RBFOX1: variants seen among roughly 807,000 people sequenced by gnomAD.
The protein encoded by RBFOX1 is RNA binding fox-1 homolog 1.
A neutral mutation model predicts 57.7 loss-of-function variants in RBFOX1; 8 were observed. That is an observed-to-expected ratio of 0.14 (90% CI 0.08 to 0.25). RBFOX1 has a LOEUF of 0.25. Among genes scored for constraint, RBFOX1 ranks in the 10% least tolerant of loss-of-function variants. The pLI is 1.00. For missense variants in RBFOX1, 611 were observed against 548.5 expected, an observed-to-expected ratio of 1.11 and a Z score of -1.14; for synonymous variants, 326 against 222.4, an observed-to-expected ratio of 1.47 and a Z score of -4.15.
At chr16:6,220,554 A>G (rs2097365816) in intron 1 of RBFOX1, among the ~76,000 whole-genome samples, 1 of 152,160 alleles carries the variant, frequency 6.6e-6, no homozygotes, top group Admixed American at 6.5e-5. Flanking sequence ...AGTCAGTGAG[A>G]TCTTTTGATT....
At chr16:6,096,288 A>C (rs1244442963) in intron 1 of RBFOX1, among the ~76,000 whole-genome samples, 1 of 152,228 alleles carries the variant, frequency 6.6e-6, no homozygotes, top group Non-Finnish European at 1.5e-5. Context: ...AAAGGAAACG[A>C]AGATGAAATT....
intron 4 of RBFOX1, among the ~76,000 whole-genome samples, chr16:7,111,099 G>A (rs969496394): frequency 2.0e-5 from 3 of 152,086 alleles, no homozygotes; most frequent in East Asian, 1.9e-4. Context: ...TCACTATGTC[G>A]AGACATGTGG....
At chr16:6,931,340 T>TATCTCTATCTACACAC (rs1555640312) in intron 3 of RBFOX1, among the ~76,000 whole-genome samples, 21 of 107,004 alleles carry the variant, frequency 2.0e-4, no homozygotes, top group African/African-American at 6.3e-4. Context: ...TATCTATCTC[T>TATCTCTATCTACACAC]ACACACACAC....
chr16:5,561,696 ATTATC>A (rs1220864970), intron 2 of RBFOX1, among the ~76,000 whole-genome samples: 1 of 152,074 alleles, frequency 6.6e-6, no homozygotes, highest in African/African-American at 2.4e-5. Context: ...GATTCTTTTA[ATTATC>A]TTATCTCCAG....
intron 2 of RBFOX1, among the ~76,000 whole-genome samples, chr16:6,499,066 C>T (rs76034035): frequency 6.4e-4 from 97 of 152,314 alleles, no homozygotes; most frequent in Middle Eastern, 3.4e-3. Context: ...CAGTTGGCTT[C>T]GCACAACTGT....
intron 4 of RBFOX1, among the ~76,000 whole-genome samples, chr16:5,966,160 TTC>T (rs1596312536): frequency 6.6e-6 from 1 of 152,168 alleles, no homozygotes; most frequent in East Asian, 1.9e-4. Flanking sequence ...TCAATGAATT[TTC>T]ACAAGTGAAT....
chr16:6,869,952 C>G (rs756388680), intron 3 of RBFOX1, among the ~76,000 whole-genome samples: 1 of 152,134 alleles, frequency 6.6e-6, no homozygotes, highest in East Asian at 1.9e-4. Flanking sequence ...GGACTGCTTA[C>G]TAATCTTAGG....
At chr16:5,585,156 A>T (rs953678456) in intron 2 of RBFOX1, among the ~76,000 whole-genome samples, 3 of 152,174 alleles carry the variant, frequency 2.0e-5, no homozygotes. Context: ...TCCCTTAAGG[A>T]ACTACTCCCC....
At chr16:7,293,087 G>T (rs1041560884) in intron 4 of RBFOX1, among the ~76,000 whole-genome samples, 4 of 152,160 alleles carry the variant, frequency 2.6e-5, no homozygotes, top group Non-Finnish European at 5.9e-5. Flanking sequence ...TCATTTTCAA[G>T]GATGTGATAG....
At chr16:5,617,152 G>A (rs1041431225) in intron 3 of RBFOX1, among the ~76,000 whole-genome samples, 7 of 151,024 alleles carry the variant, frequency 4.6e-5, no homozygotes, top group Non-Finnish European at 5.9e-5. Flanking sequence ...ATGAATGCAC[G>A]CACAGATTTA....
intron 3 of RBFOX1, among the ~76,000 whole-genome samples, chr16:6,887,189 C>T (rs1455062893): frequency 6.6e-6 from 1 of 152,190 alleles, no homozygotes; most frequent in Admixed American, 6.5e-5. Flanking sequence ...TTTAGCACTT[C>T]TTCCTCCTCT....
intron 3 of RBFOX1, among the ~76,000 whole-genome samples, chr16:5,865,366 G>A (rs1337439727): frequency 1.3e-5 from 2 of 152,158 alleles, no homozygotes; most frequent in Non-Finnish European, 1.5e-5. Context: ...GGAGGGGAGG[G>A]AAGGTTCCAA....
chr16:6,379,639 A>T (rs573755375), intron 2 of RBFOX1, among the ~76,000 whole-genome samples: 8 of 151,976 alleles, frequency 5.3e-5, no homozygotes, highest in African/African-American at 1.9e-4. Context: ...CACAGAGGTG[A>T]AGTCATGCAA....
chr16:5,585,378 C>T (rs1596347321), intron 2 of RBFOX1, among the ~76,000 whole-genome samples: 1 of 152,206 alleles, frequency 6.6e-6, no homozygotes, highest in African/African-American at 2.4e-5. Context: ...TGTTGTATGG[C>T]TGAGCCATGT....
chr16:5,650,326 CGGTGGT>C (rs532668887), intron 3 of RBFOX1, among the ~76,000 whole-genome samples: 7 of 141,742 alleles, frequency 4.9e-5, no homozygotes, highest in East Asian at 5.0e-4. Flanking sequence ...GCAGCCACGG[CGGTGGT>C]GGTGGTGGTG....
At chr16:5,389,285 C>G (rs1368232190) in intron 1 of RBFOX1, among the ~76,000 whole-genome samples, 1 of 152,230 alleles carries the variant, frequency 6.6e-6, no homozygotes, top group African/African-American at 2.4e-5. Flanking sequence ...AATCCTCGTT[C>G]TCAGCTTCTC....
intron 3 of RBFOX1, among the ~76,000 whole-genome samples, chr16:6,682,724 T>C: frequency 6.6e-6 from 1 of 152,034 alleles, no homozygotes; most frequent in South Asian, 2.1e-4. Context: ...TTGACGATCA[T>C]GGTGTGAGAC....
intron 2 of RBFOX1, among the ~76,000 whole-genome samples, chr16:5,563,128 T>C (rs2045946159): frequency 6.6e-6 from 1 of 152,212 alleles, no homozygotes; most frequent in Non-Finnish European, 1.5e-5. Context: ...TTTTGCATTT[T>C]TGTAGAGACG....
chr16:5,517,930 C>CTGTGTGTGTGTGTG lies in RBFOX1; in HGVS notation c.258+50696_258+50709dup, dbSNP rs71404527. 2.4e-4 allele frequency among the ~76,000 whole-genome samples: 35 copies of CTGTGTGTGTGTGTG among 144,182 alleles called. No individual in the cohort carries two copies. The East Asian group carries it at 4.3e-3, about 18-fold the overall frequency. 94.6% of individuals were successfully genotyped at this position (144,182 alleles called of 152,430 possible). ...ATATTTATAAAATATGCAAAAGCTA[C>CTGTGTGTGTGTGTG]TGTGTGTGTGTGTGTGTGTGTGTGT... On this transcript the variant is annotated intron_variant, in intron 2 of 2. Coordinates refer to the RBFOX1 transcript ENST00000585867.
Sources: allele counts gnomAD v4.1 joint callset (sites outside exome capture counted in the v4.1 genomes callset), GRCh38; gene constraint gnomAD v4.1.1; transcripts MANE v1.5; gene names NCBI Gene and HGNC (gene_info 2026-07-23, HGNC 2026-07-21).